NRG3: variants seen among roughly 807,000 people sequenced by gnomAD.
NRG3 encodes pro-neuregulin-3, membrane-bound isoform.
NRG3 carries 31 observed loss-of-function variants against 66.9 expected under a neutral mutation model. That is an observed-to-expected ratio of 0.46 (90% confidence interval 0.35 to 0.63). The LOEUF (loss-of-function observed/expected upper bound fraction) is 0.63. NRG3 is among the 20% of genes least tolerant of loss of function. The probability of loss-of-function intolerance (pLI) is 0.00; values close to 1 mark genes in which losing one functional copy is unlikely to be tolerated. For missense variants in NRG3, 910 were observed against 878.9 expected, an observed-to-expected ratio of 1.04 and a Z score of -0.45; for synonymous variants, 393 against 359.4, an observed-to-expected ratio of 1.09 and a Z score of -1.06.
intron 4 of NRG3, among the ~76,000 whole-genome samples, chr10:82,919,062 A>AGTGTGT (rs71471761): frequency 0.011 from 1,541 of 141,798 alleles, 17 homozygotes; most frequent in African/African-American, 0.028. Context: ...ATAGGGGTGG[A>AGTGTGT]GTGTGTGTGT....
intron 3 of NRG3, among the ~76,000 whole-genome samples, chr10:82,780,480 C>CTTTTTTT (rs150086019): frequency 2.3e-4 from 24 of 106,098 alleles, no homozygotes; most frequent in East Asian, 1.1e-3. Flanking sequence ...TTTTTCTTTT[C>CTTTTTTT]TTTTTTTTTT....
chr10:82,400,666 C>T (rs1308301387), intron 2 of NRG3, among the ~76,000 whole-genome samples: 17 of 151,466 alleles, frequency 1.1e-4, no homozygotes, highest in Admixed American at 1.1e-3. Flanking sequence ...CTCCTGGGCT[C>T]AGGTGATTCT....
chr10:82,744,932 C>T (rs1248587332), intron 3 of NRG3, among the ~76,000 whole-genome samples: 4 of 151,994 alleles, frequency 2.6e-5, no homozygotes, highest in Admixed American at 2.6e-4. Flanking sequence ...CAACTGTCAC[C>T]TTGATTAGTA....
intron 2 of NRG3, among the ~76,000 whole-genome samples, chr10:82,388,895 A>T (rs971364569): frequency 1.3e-5 from 2 of 152,140 alleles, no homozygotes; most frequent in African/African-American, 4.8e-5. Context: ...AATATTTTCG[A>T]ATTCTATCCC....
chr10:82,250,705 C>G (rs1429617873), intron 1 of NRG3, among the ~76,000 whole-genome samples: 1 of 152,204 alleles, frequency 6.6e-6, no homozygotes, highest in Admixed American at 6.5e-5. Flanking sequence ...AAAGACCCTG[C>G]TAATTCCTGT....
intron 4 of NRG3, among the ~76,000 whole-genome samples, chr10:82,950,078 G>A (rs182736943): frequency 9.9e-5 from 15 of 152,204 alleles, no homozygotes; most frequent in African/African-American, 3.4e-4. Context: ...CCGACATTCT[G>A]TACTCACTCC....
chr10:82,457,345 T>A (rs1452234163), intron 2 of NRG3, among the ~76,000 whole-genome samples: 1 of 152,148 alleles, frequency 6.6e-6, no homozygotes, highest in Non-Finnish European at 1.5e-5. Context: ...TAGATTCTCA[T>A]AAGGAACACA....
At chr10:82,654,271 C>A (rs944208014) in intron 2 of NRG3, among the ~76,000 whole-genome samples, 1 of 152,032 alleles carries the variant, frequency 6.6e-6, no homozygotes, top group Non-Finnish European at 1.5e-5. Flanking sequence ...GGCTTTTTGG[C>A]AGGTAGTTAA....
chr10:82,162,331 C>T (rs577955428), intron 1 of NRG3, among the ~76,000 whole-genome samples: 2 of 152,078 alleles, frequency 1.3e-5, no homozygotes, highest in African/African-American at 4.8e-5. Flanking sequence ...AATCACTGAG[C>T]TTTCCTTTTT....
chr10:81,942,034 C>T (rs1848449643), intron 1 of NRG3, among the ~76,000 whole-genome samples: 1 of 152,104 alleles, frequency 6.6e-6, no homozygotes, highest in Non-Finnish European at 1.5e-5. Context: ...TTCCTTCCCA[C>T]CACCTCTTTG....
rs562133055 is a variant in NRG3 at position 82,560,828 on chromosome 10, TTAAG to T, written c.954-177745_954-177742del. ...AATAAGAAACGACTGGTTTATTTAA[TTAAG>T]TAATGTTTTATGTATTGAAATAATT... On this transcript the variant is annotated intron_variant, in intron 2 of 8. Transcript: ENST00000372141. 1.9e-4 allele frequency among the ~76,000 whole-genome samples: 29 copies of T among 151,896 alleles called. No individual in the cohort carries two copies. The South Asian group carries it at 4.2e-3, about 22-fold the overall frequency.
chr10:81,933,146 G>C (rs1488087713), intron 1 of NRG3, among the ~76,000 whole-genome samples: 1 of 150,484 alleles, frequency 6.6e-6, no homozygotes, highest in Non-Finnish European at 1.5e-5. Context: ...AAAGAAATTT[G>C]TTCTTTCTGA....
intron 1 of NRG3, among the ~76,000 whole-genome samples, chr10:82,209,239 G>A (rs2075278928): frequency 6.6e-6 from 1 of 152,152 alleles, no homozygotes; most frequent in African/African-American, 2.4e-5. Flanking sequence ...CATATAGCAT[G>A]CTACTGGCCA....
At chr10:82,409,617 C>T (rs2087897880) in intron 2 of NRG3, among the ~76,000 whole-genome samples, 1 of 152,258 alleles carries the variant, frequency 6.6e-6, no homozygotes. Context: ...CAACTTTCTT[C>T]ACTGCTTTTT....
At chr10:82,624,846 T>A (rs111778045) in intron 2 of NRG3, among the ~76,000 whole-genome samples, 165 of 147,388 alleles carry the variant, frequency 1.1e-3, no homozygotes, top group African/African-American at 3.3e-3. Context: ...TAAACCTAAC[T>A]TAGTACTTGG....
intron 1 of NRG3, among the ~76,000 whole-genome samples, chr10:82,216,470 G>GTA (rs2075684299): frequency 6.7e-6 from 1 of 149,722 alleles, no homozygotes. Flanking sequence ...ATGTGTGTGT[G>GTA]TGTGTGTGTG....
intron 2 of NRG3, among the ~76,000 whole-genome samples, chr10:82,474,441 A>T (rs1294937765): frequency 6.6e-6 from 1 of 152,304 alleles, no homozygotes; most frequent in East Asian, 1.9e-4. Flanking sequence ...GAAGTAAACA[A>T]ATTATGGAGC....
At chr10:81,970,516 A>G (rs1229000332) in intron 1 of NRG3, among the ~76,000 whole-genome samples, 1 of 152,182 alleles carries the variant, frequency 6.6e-6, no homozygotes, top group African/African-American at 2.4e-5. Flanking sequence ...TTATTTCCGT[A>G]TTGCAAATTC....
rs147306230 is a variant in NRG3 at position 82,396,696 on chromosome 10, G to A, written c.953+37828G>A. Among the ~76,000 whole-genome samples the A allele has an allele frequency of 9.2e-5, 14 of 152,286 alleles. No homozygotes were observed. The East Asian group carries it at 2.7e-3, about 29-fold the overall frequency. The stretch of plus-strand genomic sequence containing the variant: ...GCTTATGTAATTACTTGCAATTAAG[G>A]TAATGGAGTAACTTAAATTTGAACT... On this transcript the variant is annotated intron_variant, in intron 2 of 8. Transcript: ENST00000372141.
Sources: allele counts gnomAD v4.1 joint callset (sites outside exome capture counted in the v4.1 genomes callset), GRCh38; gene constraint gnomAD v4.1.1; transcripts MANE v1.5; gene names NCBI Gene and HGNC (gene_info 2026-07-23, HGNC 2026-07-21).